PCYT1A: variants seen among roughly 807,000 people sequenced by gnomAD.
The protein encoded by PCYT1A is choline-phosphate cytidylyltransferase A.
Under a neutral mutation model 43.7 loss-of-function variants are expected in PCYT1A, and 25 were observed. That is an observed-to-expected ratio of 0.57 (90% CI 0.42 to 0.80). PCYT1A has a LOEUF of 0.80. Ranked by LOEUF, PCYT1A falls within the 30% of genes least tolerant of loss-of-function variation. PCYT1A has a pLI of 0.00. For missense variants in PCYT1A, 421 were observed against 474.2 expected (o/e 0.89, Z 1.04); for synonymous variants, 172 against 170.7 (o/e 1.01, Z -0.06).
chr3:196,264,139 C>T (rs1725200012), intron 2 of PCYT1A, among the ~76,000 whole-genome samples: 1 of 152,144 alleles, frequency 6.6e-6, no homozygotes, highest in East Asian at 1.9e-4. Context: ...ATGGGAAGTA[C>T]CCCATCTACA....
intron 2 of PCYT1A, among the ~76,000 whole-genome samples, chr3:196,267,658 A>C (rs938244923): frequency 9.9e-5 from 15 of 152,074 alleles, no homozygotes; most frequent in African/African-American, 2.4e-4. Flanking sequence ...TTGAGGCTGC[A>C]GTGAACTATG....
chr3:196,276,830 G>A (rs1725605176), intron 1 of PCYT1A, among the ~76,000 whole-genome samples: 3 of 152,122 alleles, frequency 2.0e-5, no homozygotes, highest in African/African-American at 7.2e-5. Context: ...CAGCTACTCG[G>A]GAGGCCGAGG....
intron 3 of PCYT1A, among the ~76,000 whole-genome samples, chr3:196,256,382 C>T (rs951445492): frequency 1.3e-5 from 2 of 151,712 alleles, no homozygotes; most frequent in Admixed American, 1.3e-4. Context: ...CCCAGCTACT[C>T]GGGAGGCTGG....
chr3:196,270,266 T>A (rs932142055), intron 2 of PCYT1A, 149 bp downstream of exon 2: 20 of 694,784 alleles, frequency 2.9e-5, no homozygotes, highest in Non-Finnish European at 4.7e-5. Context: ...CTGTGAGTCA[T>A]AATCCAGTAA....
At chr3:196,248,041 C>G in intron 4 of PCYT1A, 166 bp downstream of exon 4, 1 of 632,068 alleles carries the variant, frequency 1.6e-6, no homozygotes, top group Middle Eastern at 4.4e-4. Context: ...GCTCCTCTCT[C>G]CAGGTTTAGT....
intron 1 of PCYT1A, 56 bp from the exon 2 acceptor site, chr3:196,270,597 C>T: frequency 8.9e-7 from 1 of 1,120,426 alleles, no homozygotes; most frequent in Non-Finnish European, 1.4e-6. Context: ...AAAAGTTTGT[C>T]ACCAGTATTT....
intron 1 of PCYT1A, among the ~76,000 whole-genome samples, chr3:196,280,411 G>A (rs879808871): frequency 3.9e-5 from 6 of 151,930 alleles, no homozygotes; most frequent in African/African-American, 1.5e-4. Context: ...TATATAAAAC[G>A]GTGTCGAATT....
intron 1 of PCYT1A, among the ~76,000 whole-genome samples, chr3:196,280,313 G>A (rs1260165682): frequency 6.6e-6 from 1 of 152,096 alleles, no homozygotes; most frequent in Non-Finnish European, 1.5e-5. Context: ...GACCCTATAT[G>A]GACAGTTGTC....
chr3:196,241,846 T>C, intron 7 of PCYT1A, 102 bp downstream of exon 7: 1 of 1,387,072 alleles, frequency 7.2e-7, no homozygotes, highest in Non-Finnish European at 1.0e-6. Context: ...CTTTTGGGAG[T>C]GATCATCAAA....
At chr3:196,270,389 C>A (rs745579454) in intron 2 of PCYT1A, 26 bp downstream of exon 2, 1 of 1,395,386 alleles carries the variant, frequency 7.2e-7, no homozygotes, top group Admixed American at 1.7e-5. Context: ...TTCTACCCTC[C>A]CCCTGCCAGG....
intron 1 of PCYT1A, among the ~76,000 whole-genome samples, chr3:196,284,006 CTT>C (rs1249563982): frequency 6.6e-6 from 1 of 152,208 alleles, no homozygotes; most frequent in Non-Finnish European, 1.5e-5. Flanking sequence ...AAAAAAATGA[CTT>C]TTACAAAAAT....
intron 2 of PCYT1A, among the ~76,000 whole-genome samples, chr3:196,258,628 C>A (rs561690567): frequency 6.6e-6 from 1 of 151,152 alleles, no homozygotes; most frequent in Non-Finnish European, 1.5e-5. Flanking sequence ...AGCTCTGTTG[C>A]CCAGGCTGGA....
At chr3:196,286,186 C>T (rs539430010) in intron 1 of PCYT1A, among the ~76,000 whole-genome samples, 1 of 152,008 alleles carries the variant, frequency 6.6e-6, no homozygotes, top group African/African-American at 2.4e-5. Flanking sequence ...CCTCAGCCTC[C>T]CCAGTAGCTG....
rs1560167311 is a variant in PCYT1A, at chr3:196,252,111, CGCACCCCGCCACGCCCCACTGGCTACAGT to C, written c.218-3817_218-3789del. Among the ~76,000 whole-genome samples, 2 of 151,818 alleles carry C rather than the reference CGCACCCCGCCACGCCCCACTGGCTACAGT, an allele frequency of 1.3e-5. No homozygotes were observed. The highest frequency in any genetic ancestry group is 2.1e-4 in the South Asian group (1 of 4,818). On this transcript the variant is annotated intron_variant, in intron 3 of 8. Transcript: ENST00000431016. The surrounding 1 kb of genome is among the most constrained non-coding windows in gnomAD (Gnocchi z 4.0). ...CCCCGCCACGCCCCGCAGACTACAG[CGCACCCCGCCACGCCCCACTGGCTACAGT>C]GCACACCGCCACGCCCCACTGGCTA...
intron 7 of PCYT1A, among the ~76,000 whole-genome samples, chr3:196,240,451 G>A (rs187177101): frequency 6.6e-5 from 10 of 152,162 alleles, no homozygotes; most frequent in African/African-American, 1.4e-4. Flanking sequence ...TTGGGAAGCC[G>A]AAGTGGGAGG....
intron 3 of PCYT1A, among the ~76,000 whole-genome samples, chr3:196,256,171 A>T (rs918694981): frequency 1.3e-5 from 2 of 152,158 alleles, no homozygotes; most frequent in Non-Finnish European, 2.9e-5. Context: ...ACATATACCC[A>T]AGATAAGGCC....
rs1222826466 is a variant in PCYT1A, at chr3:196,236,228, C to G, written c.*2460G>C. ...TCCAATAGGGAGGGAGGAGGAAAAC[C>G]ACGTTCCGGGCATCTCCCTGTCTAT... On this transcript the variant is annotated 3_prime_UTR_variant, in exon 9 of 9. Coordinates refer to ENST00000431016, the MANE Select transcript of PCYT1A (RefSeq NM_001312673.2). The G allele has an allele frequency of 6.6e-6, 1 of 152,182 alleles. No homozygotes were observed. Among genetic ancestry groups the G allele is most frequent in the Non-Finnish European group, 1.5e-5 (1 of 68,054 alleles). The allele number at this position is 152,182 out of a possible 1,614,324, so 9.4% of individuals were successfully genotyped here. A position where few individuals can be genotyped will look rare whatever the true frequency, so the allele number is the denominator to read the frequency against.
At chr3:196,241,628 A>G (rs1724361100) in intron 7 of PCYT1A, 6 of 1,331,950 alleles carry the variant, frequency 4.5e-6, no homozygotes, top group Non-Finnish European at 5.9e-6. Flanking sequence ...CAGGTTCCCA[A>G]GACATCATCC....
At chr3:196,265,777 G>A (rs990783431) in intron 2 of PCYT1A, among the ~76,000 whole-genome samples, 7 of 150,316 alleles carry the variant, frequency 4.7e-5, no homozygotes, top group East Asian at 2.1e-4. Context: ...TCGCTCTGTC[G>A]CCCAAGCTGG....
Sources: allele counts gnomAD v4.1 joint callset (sites outside exome capture counted in the v4.1 genomes callset), GRCh38; gene constraint gnomAD v4.1.1; non-coding constraint Gnocchi (gnomAD v3.1); transcripts MANE v1.5; gene names NCBI Gene and HGNC (gene_info 2026-07-23, HGNC 2026-07-21).